The following SLC8A1 variants were observed in gnomAD, a reference collection of about 807,000 sequenced individuals.
SLC8A1 encodes the protein solute carrier family 8 member A1, also known as sodium/calcium exchanger 1.
In SLC8A1, 18 loss-of-function variants were observed where a neutral mutation model predicts 68.3. The ratio of observed to expected loss-of-function variants is 0.26; its 90% CI spans 0.18 to 0.39. The LOEUF is 0.39. SLC8A1 is among the 10% of genes least tolerant of loss of function. SLC8A1 has a pLI of 1.00. For missense variants in SLC8A1, 985 were observed against 1,156.7 expected, an observed-to-expected ratio of 0.85 and a Z score of 2.15; for synonymous variants, 475 against 415.5, an observed-to-expected ratio of 1.14 and a Z score of -1.74.
At chr2:40,275,497 C>T (rs1354022253) in intron 2 of SLC8A1, among the ~76,000 whole-genome samples, 1 of 152,144 alleles carries the variant, frequency 6.6e-6, no homozygotes, top group East Asian at 1.9e-4. Context: ...ATTGTGTGGT[C>T]CTTAGGGTAG....
intron 2 of SLC8A1, among the ~76,000 whole-genome samples, chr2:40,201,750 G>T (rs182509563): frequency 4.6e-5 from 7 of 152,060 alleles, no homozygotes; most frequent in South Asian, 4.1e-4. Context: ...AAGACTTCTT[G>T]TTAGCATTTG....
intron 2 of SLC8A1, among the ~76,000 whole-genome samples, chr2:40,337,626 T>G (rs1342736051): frequency 6.6e-6 from 1 of 152,140 alleles, no homozygotes; most frequent in Non-Finnish European, 1.5e-5. Context: ...TCTGTATACT[T>G]TAACCACAAT....
chr2:40,309,084 C>T (rs931881826), intron 2 of SLC8A1, among the ~76,000 whole-genome samples: 1 of 152,150 alleles, frequency 6.6e-6, no homozygotes, highest in African/African-American at 2.4e-5. Flanking sequence ...AAAGCTTCAC[C>T]AGTGAAATCC....
At chr2:40,198,743 C>G (rs114261119) in intron 2 of SLC8A1, among the ~76,000 whole-genome samples, 2,125 of 151,766 alleles carry the variant, frequency 0.014, 59 homozygotes, top group African/African-American at 0.048. Flanking sequence ...GGGTAGGTTC[C>G]CTCTTTAAGG....
intron 4 of SLC8A1, among the ~76,000 whole-genome samples, chr2:40,166,140 C>T (rs2046513943): frequency 6.6e-6 from 1 of 152,130 alleles, no homozygotes; most frequent in Non-Finnish European, 1.5e-5. Flanking sequence ...ATATTAGCTT[C>T]TGTAGAAGTC....
chr2:40,200,461 A>G (rs2054148826), intron 2 of SLC8A1, among the ~76,000 whole-genome samples: 1 of 149,682 alleles, frequency 6.7e-6, no homozygotes, highest in East Asian at 2.0e-4. Context: ...TTTCCCATGT[A>G]ACATCTGGAA....
intron 2 of SLC8A1, among the ~76,000 whole-genome samples, chr2:40,415,246 T>C (rs1693449979): frequency 6.6e-6 from 1 of 152,152 alleles, no homozygotes; most frequent in Non-Finnish European, 1.5e-5. Flanking sequence ...AATTGCTTTT[T>C]AAAGCTGGAG....
At chr2:40,441,827 T>G (rs527420995) in intron 1 of SLC8A1, among the ~76,000 whole-genome samples, 1 of 151,852 alleles carries the variant, frequency 6.6e-6, no homozygotes, top group East Asian at 1.9e-4. Flanking sequence ...GAAGAAAACC[T>G]AGGCAATACC....
At chr2:40,326,390 G>C (rs1047558897) in intron 2 of SLC8A1, among the ~76,000 whole-genome samples, 2 of 151,968 alleles carry the variant, frequency 1.3e-5, no homozygotes, top group African/African-American at 4.8e-5. Flanking sequence ...AATAGTCATA[G>C]CTTTTGAAAC....
chr2:40,182,005 G>C (rs1191013273), intron 2 of SLC8A1, among the ~76,000 whole-genome samples: 1 of 152,120 alleles, frequency 6.6e-6, no homozygotes, highest in Non-Finnish European at 1.5e-5. Flanking sequence ...AGGACTGACG[G>C]AACCTTGAAT....
chr2:40,453,074 A>T (rs534192056), upstream of SLC8A1: 1 of 152,238 alleles, frequency 6.6e-6, no homozygotes, highest in East Asian at 1.9e-4. Flanking sequence ...ATTCATTCTT[A>T]CAAACCCTTA....
In SLC8A1 at chr2:40,149,341, G is replaced by C. The variant is rs1180874396; in HGVS notation, c.2162-9665C>G. Among the ~76,000 whole-genome samples, 3 of 152,184 alleles carry C rather than the reference G, an allele frequency of 2.0e-5. No homozygotes were observed. The East Asian group carries it at 5.8e-4, about 29-fold the overall frequency. ...TCTCATAGAATTTCCATTCTGGCAA[G>C]GGGAGATAGTAATCAAAGTAAACAA... is the stretch of plus-strand genomic sequence containing the variant. On this transcript the variant is annotated intron_variant, in intron 6 of 7. Transcript: ENST00000406785.
At chr2:40,484,758 C>T (rs80151901) in intron 1 of SLC8A1, among the ~76,000 whole-genome samples, 2,317 of 152,182 alleles carry the variant, frequency 0.015, 55 homozygotes, top group African/African-American at 0.051. Flanking sequence ...TCCAAGGATG[C>T]GATAAGTGCT....
chr2:40,339,592 C>T (rs1409961115), intron 2 of SLC8A1, among the ~76,000 whole-genome samples: 1 of 152,114 alleles, frequency 6.6e-6, no homozygotes, highest in African/African-American at 2.4e-5. Context: ...TGAAAAACTG[C>T]TCAGTAAATA....
intron 2 of SLC8A1, among the ~76,000 whole-genome samples, chr2:40,246,932 T>C (rs1253643821): frequency 2.2e-5 from 2 of 92,210 alleles, no homozygotes; most frequent in African/African-American, 3.9e-5. Flanking sequence ...CTCTAACATA[T>C]TTCTGCTAAA....
At chr2:40,205,195 TA>T (rs1436007027) in intron 2 of SLC8A1, among the ~76,000 whole-genome samples, 1 of 152,022 alleles carries the variant, frequency 6.6e-6, no homozygotes, top group African/African-American at 2.4e-5. Context: ...AGCCTTTCCA[TA>T]AGGTATACCT....
chr2:40,184,207 A>C (rs1310559708), intron 2 of SLC8A1, among the ~76,000 whole-genome samples: 2 of 152,150 alleles, frequency 1.3e-5, no homozygotes, highest in Non-Finnish European at 2.9e-5. Context: ...AAAATGTTTA[A>C]ACATTAAAAG....
rs76752710 is a variant in SLC8A1, at chr2:40,482,954, C to CT, written c.-25+29394dup. On this transcript the variant is annotated intron_variant, in intron 1 of 7. Transcript: ENST00000402441. Reference sequence around the variant, plus strand: ...TACAGGCGCCCGCCACCACGCCCGGCTTTTTTTTTTTTTTTTCTTTTTTGC... The same window carrying CT: ...TACAGGCGCCCGCCACCACGCCCGGCTTTTTTTTTTTTTTTTTCTTTTTTGC... Among the ~76,000 whole-genome samples the CT allele has an allele frequency of 0.011, 1,573 of 137,774 alleles. 42 individuals carry two copies. The East Asian group carries it at 0.13, about 11-fold the overall frequency. 90.4% of individuals were successfully genotyped at this position (137,774 alleles called of 152,430 possible).
chr2:40,479,320 GTCTT>G (rs1435428184), intron 1 of SLC8A1, among the ~76,000 whole-genome samples: 2 of 152,066 alleles, frequency 1.3e-5, no homozygotes, highest in Non-Finnish European at 2.9e-5. Flanking sequence ...TAAAATTACT[GTCTT>G]TGTCTAATTA....
Sources: gnomAD v4.1 joint callset for allele counts (sites outside exome capture counted in the v4.1 genomes callset) on GRCh38, gnomAD v4.1.1 for gene constraint, MANE v1.5 for transcripts, NCBI Gene and HGNC (gene_info 2026-07-23, HGNC 2026-07-21) for gene names.